The following NAV2 variants were observed in gnomAD, a reference collection of about 807,000 sequenced individuals.
The protein encoded by NAV2 is neuron navigator 2.
Under a neutral mutation model 223.2 loss-of-function variants are expected in NAV2, and 54 were observed. The ratio of observed to expected loss-of-function variants is 0.24; its 90% CI spans 0.19 to 0.30. The LOEUF (loss-of-function observed/expected upper bound fraction) is 0.30, where lower values mean the gene tolerates loss of function less well. Among genes scored for constraint, NAV2 ranks in the 10% least tolerant of loss-of-function variants. The probability of loss-of-function intolerance (pLI) is 1.00; values close to 1 mark genes in which losing one functional copy is unlikely to be tolerated. For synonymous variants in NAV2, 1,279 were observed against 1,239.3 expected, an observed-to-expected ratio of 1.03 and a Z score of -0.67; for missense variants, 2,806 against 3,147.5, an observed-to-expected ratio of 0.89 and a Z score of 2.60.
chr11:19,493,090 C>T (rs1179143771), intron 1 of NAV2, among the ~76,000 whole-genome samples: 2 of 152,174 alleles, frequency 1.3e-5, no homozygotes, highest in Non-Finnish European at 2.9e-5. Context: ...AAAGAATGTA[C>T]ATAAGGCACT....
chr11:19,986,035 T>G (rs1350839614), intron 11 of NAV2, among the ~76,000 whole-genome samples: 1 of 152,258 alleles, frequency 6.6e-6, no homozygotes, highest in African/African-American at 2.4e-5. Flanking sequence ...ATCCGTTGTT[T>G]AGTAAATCTA....
chr11:19,469,838 G>A (rs186737227), intron 1 of NAV2, among the ~76,000 whole-genome samples: 35 of 152,204 alleles, frequency 2.3e-4, no homozygotes, highest in African/African-American at 7.7e-4. Context: ...AGGCAGCTTC[G>A]GCTGGCAAGC....
chr11:19,561,979 C>T (rs1311993646), intron 1 of NAV2, among the ~76,000 whole-genome samples: 1 of 152,240 alleles, frequency 6.6e-6, no homozygotes. Flanking sequence ...TTCTTCTCTC[C>T]TGCCATTGAT....
intron 22 of NAV2, among the ~76,000 whole-genome samples, chr11:20,072,510 A>G (rs1335892158): frequency 6.6e-6 from 1 of 152,218 alleles, no homozygotes; most frequent in Non-Finnish European, 1.5e-5. Flanking sequence ...CATTGAATCT[A>G]TAAATTACTT....
intron 1 of NAV2, among the ~76,000 whole-genome samples, chr11:19,535,114 C>T (rs1329968913): frequency 6.6e-6 from 1 of 152,108 alleles, no homozygotes; most frequent in Non-Finnish European, 1.5e-5. Flanking sequence ...GATAGATTTG[C>T]ATTTTAGCAA....
intron 6 of NAV2, among the ~76,000 whole-genome samples, chr11:19,932,205 G>GT (rs1480262089): frequency 9.0e-6 from 1 of 111,646 alleles, no homozygotes; most frequent in African/African-American, 3.4e-5. Flanking sequence ...CTGGCCCACA[G>GT]TGAACCCATT....
intron 10 of NAV2, among the ~76,000 whole-genome samples, chr11:19,964,673 A>G (rs1565656852): frequency 6.6e-6 from 1 of 151,222 alleles, no homozygotes; most frequent in Non-Finnish European, 1.5e-5. Flanking sequence ...TTTTTTTAAA[A>G]CATTTTTTGT....
intron 1 of NAV2, among the ~76,000 whole-genome samples, chr11:19,372,567 G>C (rs905657082): frequency 1.3e-5 from 2 of 152,200 alleles, no homozygotes; most frequent in African/African-American, 4.8e-5. Flanking sequence ...GTCTGGGGGT[G>C]CTTGCAGAGG....
intron 10 of NAV2, 70 bp downstream of exon 10, chr11:19,949,150 G>C: frequency 2.0e-6 from 3 of 1,483,920 alleles, no homozygotes; most frequent in Admixed American, 2.3e-5. Flanking sequence ...CTTTTGTAGG[G>C]CTCTATTTGA....
chr11:19,624,559 G>A (rs2047106303), intron 1 of NAV2, among the ~76,000 whole-genome samples: 1 of 152,248 alleles, frequency 6.6e-6, no homozygotes, highest in African/African-American at 2.4e-5. Flanking sequence ...TGAGCCAGGA[G>A]TGGGATATAA....
intron 1 of NAV2, chr11:19,777,738 T>C (rs1464518117): frequency 2.4e-6 from 1 of 412,848 alleles, no homozygotes; most frequent in Non-Finnish European, 4.9e-6. Flanking sequence ...TTGTGAGTCA[T>C]TGAAGGGGGG....
intron 1 of NAV2, among the ~76,000 whole-genome samples, chr11:19,408,058 G>GT (rs1458870495): frequency 1.2e-4 from 19 of 152,020 alleles, no homozygotes; most frequent in Non-Finnish European, 2.8e-4. Flanking sequence ...GCCCAGTGCC[G>GT]TCAGTTCCCA....
At chr11:19,928,132 A>T (rs1014337275) in intron 6 of NAV2, among the ~76,000 whole-genome samples, 2 of 152,198 alleles carry the variant, frequency 1.3e-5, no homozygotes, top group Non-Finnish European at 2.9e-5. Flanking sequence ...TCTTGATTTA[A>T]TGTAACAGTG....
chr11:19,943,552 C>G (rs1207791379), intron 8 of NAV2, among the ~76,000 whole-genome samples: 1 of 152,116 alleles, frequency 6.6e-6, no homozygotes, highest in Non-Finnish European at 1.5e-5. Context: ...CAAGAACGAC[C>G]TAAGAAAGTT....
intron 1 of NAV2, among the ~76,000 whole-genome samples, chr11:19,580,762 T>C (rs1271697039): frequency 6.6e-6 from 1 of 152,212 alleles, no homozygotes; most frequent in Non-Finnish European, 1.5e-5. Context: ...AACATTGTCT[T>C]CATGGGCATG....
intron 1 of NAV2, among the ~76,000 whole-genome samples, chr11:19,692,764 A>G (rs985047897): frequency 1.3e-5 from 2 of 152,018 alleles, no homozygotes; most frequent in African/African-American, 4.8e-5. Context: ...TTCTAGACTC[A>G]GGGGATGCAG....
intron 1 of NAV2, among the ~76,000 whole-genome samples, chr11:19,414,839 A>G (rs1009875126): frequency 6.6e-6 from 1 of 152,216 alleles, no homozygotes; most frequent in Non-Finnish European, 1.5e-5. Flanking sequence ...CTGCTCCTGA[A>G]TGACTACTGG....
chr11:19,905,442 T>A lies in NAV2; in HGVS notation c.931+12848T>A, dbSNP rs550690713. 2.0e-5 allele frequency among the ~76,000 whole-genome samples: 3 copies of A among 152,326 alleles called. 1 individual carries two copies. The highest frequency in any genetic ancestry group is 4.1e-4 in the South Asian group (2 of 4,822). On this transcript the variant is annotated intron_variant, in intron 6 of 37. Transcript: ENST00000349880. ...TTTTAAAAAATCTATTTCACTGACA[T>A]GCTGTAGGGGGCAGTATTCATTAAG...
chr11:19,482,380 T>C (rs2042306855), intron 1 of NAV2, among the ~76,000 whole-genome samples: 1 of 152,220 alleles, frequency 6.6e-6, no homozygotes, highest in Non-Finnish European at 1.5e-5. Flanking sequence ...CTGAGCTCTC[T>C]ACAGTGAAAC....
Sources: allele counts gnomAD v4.1 joint callset (sites outside exome capture counted in the v4.1 genomes callset), GRCh38; gene constraint gnomAD v4.1.1; transcripts MANE v1.5; gene names NCBI Gene and HGNC (gene_info 2026-07-23, HGNC 2026-07-21).